Variants in NRXN3 observed in about 807,000 individuals in gnomAD.
The protein encoded by NRXN3 is neurexin 3, also known as neurexin III.
NRXN3 carries 32 observed loss-of-function variants against 137.6 expected under a neutral mutation model. The ratio of observed to expected loss-of-function variants is 0.23; its 90% CI spans 0.18 to 0.31. The LOEUF (loss-of-function observed/expected upper bound fraction) is 0.31, where lower values mean the gene tolerates loss of function less well. Among genes scored for constraint, NRXN3 ranks in the 10% least tolerant of loss-of-function variants. The pLI is 1.00. For synonymous variants in NRXN3, 798 were observed against 784.5 expected, an observed-to-expected ratio of 1.02 and a Z score of -0.29; for missense variants, 1,574 against 2,062.5, an observed-to-expected ratio of 0.76 and a Z score of 4.59.
intron 19 of NRXN3, among the ~76,000 whole-genome samples, chr14:79,751,968 G>T (rs992027268): frequency 1.1e-4 from 16 of 152,138 alleles, no homozygotes; most frequent in African/African-American, 3.9e-4. Context: ...GCTGGATTCG[G>T]TTTGCCAGTA....
At chr14:79,124,548 T>C (rs2056057628) in intron 15 of NRXN3, among the ~76,000 whole-genome samples, 1 of 152,178 alleles carries the variant, frequency 6.6e-6, no homozygotes, top group South Asian at 2.1e-4. Flanking sequence ...GGTGGTCATT[T>C]TGAGTGACCA....
chr14:78,180,012 A>AT (rs1156616194), intron 1 of NRXN3, among the ~76,000 whole-genome samples: 4 of 151,564 alleles, frequency 2.6e-5, no homozygotes, highest in South Asian at 2.1e-4. Flanking sequence ...CATCCAGCTA[A>AT]TTTTTTTGCA....
At chr14:79,523,555 C>G (rs1020453703) in intron 16 of NRXN3, among the ~76,000 whole-genome samples, 1 of 152,228 alleles carries the variant, frequency 6.6e-6, no homozygotes, top group African/African-American at 2.4e-5. Context: ...ACTCACTGCT[C>G]AGGATCTGAG....
At chr14:79,527,368 T>C (rs2097130260) in intron 16 of NRXN3, among the ~76,000 whole-genome samples, 1 of 151,016 alleles carries the variant, frequency 6.6e-6, no homozygotes, top group Non-Finnish European at 1.5e-5. Flanking sequence ...AGATGGTGGT[T>C]AGAAGAGGCT....
At chr14:78,659,992 G>T (rs1329666768) in intron 6 of NRXN3, among the ~76,000 whole-genome samples, 4 of 152,106 alleles carry the variant, frequency 2.6e-5, no homozygotes, top group Non-Finnish European at 4.4e-5. Flanking sequence ...AGAGGAAGAA[G>T]GAGCGAAACC....
At chr14:78,938,806 C>T (rs2099346918) in intron 10 of NRXN3, among the ~76,000 whole-genome samples, 2 of 150,740 alleles carry the variant, frequency 1.3e-5, no homozygotes, top group African/African-American at 4.9e-5. Flanking sequence ...ACCCACTCCC[C>T]AGCCATGTAG....
At chr14:78,319,555 G>T (rs1229533362) in intron 4 of NRXN3, among the ~76,000 whole-genome samples, 1 of 152,154 alleles carries the variant, frequency 6.6e-6, no homozygotes, top group African/African-American at 2.4e-5. Flanking sequence ...CATGTGACCC[G>T]TGAGCCCCAA....
intron 4 of NRXN3, among the ~76,000 whole-genome samples, chr14:78,376,188 C>T (rs1460064039): frequency 6.6e-6 from 1 of 152,154 alleles, no homozygotes; most frequent in Non-Finnish European, 1.5e-5. Context: ...AAGTTGCAAA[C>T]TCAAAGTTCT....
chr14:79,861,646 C>T lies in NRXN3; in HGVS notation c.4398C>T (p.Phe1466=). 1 of 1,614,148 alleles carries T rather than the reference C, an allele frequency of 6.2e-7. No individual in the cohort carries two copies. Among genetic ancestry groups the T allele is most frequent in the Non-Finnish European group, 8.5e-7 (1 of 1,180,038 alleles). ...LKSPLITSPM[F]RNVPTANPTE... is the part of the protein sequence containing the mutation. ...GCCCACTAATTACTTCCCCCATGTTCCGTAATGTGCCCACAGCAAACCCCA... is the reference window on the plus strand; with the variant it reads ...GCCCACTAATTACTTCCCCCATGTTTCGTAATGTGCCCACAGCAAACCCCA... Residue 1466 remains phenylalanine (F), a synonymous_variant, in exon 21 of 21, where the codon TTC becomes TTT. Transcript: ENST00000335750. This position sits in a 1 kb window ranked among gnomAD's most constrained non-coding sequence, Gnocchi z 5.4.
At chr14:78,695,860 A>T (rs2152785970) in intron 6 of NRXN3, 1 of 152,212 alleles carries the variant, frequency 6.6e-6, no homozygotes, top group African/African-American at 2.4e-5. Flanking sequence ...GGGCAACCCC[A>T]TGCAAGGTTA....
intron 14 of NRXN3, among the ~76,000 whole-genome samples, chr14:78,979,956 A>C (rs1017305858): frequency 2.0e-5 from 3 of 152,192 alleles, no homozygotes; most frequent in African/African-American, 7.2e-5. Flanking sequence ...GGGAGCTACA[A>C]TTCAAGATGA....
chr14:78,378,602 A>G (rs1316758184), intron 4 of NRXN3, among the ~76,000 whole-genome samples: 3 of 152,220 alleles, frequency 2.0e-5, no homozygotes, highest in African/African-American at 4.8e-5. Context: ...AAATACATAC[A>G]TTAGAAAAGA....
At chr14:79,262,110 A>G (rs2077698419) in intron 15 of NRXN3, among the ~76,000 whole-genome samples, 1 of 152,114 alleles carries the variant, frequency 6.6e-6, no homozygotes, top group East Asian at 1.9e-4. Flanking sequence ...ATGTTTACAC[A>G]CTCAACATTG....
At chr14:79,052,003 G>A (rs2099642711) in intron 15 of NRXN3, among the ~76,000 whole-genome samples, 1 of 152,062 alleles carries the variant, frequency 6.6e-6, no homozygotes, top group African/African-American at 2.4e-5. Context: ...TTCTAAAATT[G>A]TTTTGGTTTT....
chr14:79,174,991 T>C (rs2062164816), intron 15 of NRXN3, among the ~76,000 whole-genome samples: 1 of 151,016 alleles, frequency 6.6e-6, no homozygotes, highest in Non-Finnish European at 1.5e-5. Flanking sequence ...TTTTTTTTTT[T>C]TTTTTCTGAG....
chr14:79,432,023 A>C (rs1245824194), intron 15 of NRXN3, among the ~76,000 whole-genome samples: 2 of 152,112 alleles, frequency 1.3e-5, no homozygotes, highest in East Asian at 3.9e-4. Flanking sequence ...ATCTGATCAT[A>C]TCATTCCCAA....
At chr14:79,123,957 T>C (rs1445710502) in intron 15 of NRXN3, among the ~76,000 whole-genome samples, 1 of 152,136 alleles carries the variant, frequency 6.6e-6, no homozygotes, top group African/African-American at 2.4e-5. Flanking sequence ...ATCTTAAGAC[T>C]CTAATCAATG....
rs373786303 is a variant in NRXN3 at position 79,157,347 on chromosome 14, T to C, written c.3262+169206T>C. ...TTTTGGAGGTTCTGGTCAAGCTCAG[T>C]GGTTACTGAAGCTGTCGGGAGTCTT... On this transcript the variant is annotated intron_variant, in intron 15 of 20. Coordinates refer to ENST00000335750, the MANE Select transcript of NRXN3 (RefSeq NM_001330195.2). Among the ~76,000 whole-genome samples the C allele has an allele frequency of 5.4e-4, 82 of 151,906 alleles. 1 individual carries two copies. The South Asian group carries it at 0.016, about 30-fold the overall frequency.
At chr14:78,425,325 T>C (rs2093620053) in intron 4 of NRXN3, among the ~76,000 whole-genome samples, 2 of 152,212 alleles carry the variant, frequency 1.3e-5, no homozygotes, top group Non-Finnish European at 2.9e-5. Context: ...GTTTCAGAAA[T>C]GTTTCTAGAT....
Sources: gnomAD v4.1 joint callset for allele counts (sites outside exome capture counted in the v4.1 genomes callset) on GRCh38, gnomAD v4.1.1 for gene constraint, Gnocchi (gnomAD v3.1) non-coding constraint, MANE v1.5 for transcripts, NCBI Gene and HGNC (gene_info 2026-07-23, HGNC 2026-07-21) for gene names.